LRR1: variants seen among roughly 807,000 people sequenced by gnomAD.
LRR1 encodes the protein leucine rich repeat protein 1, also known as leucine-rich repeat protein 1.
LRR1 carries 29 observed loss-of-function variants against 31.6 expected under a neutral mutation model. The ratio of observed to expected loss-of-function variants is 0.92; its 90% CI spans 0.68 to 1.25. The LOEUF (loss-of-function observed/expected upper bound fraction) is 1.25. LRR1 is among the 50% of genes most tolerant of loss of function. The pLI, the probability that LRR1 is intolerant of heterozygous loss-of-function variation, is 0.00. For synonymous variants in LRR1, 179 were observed against 181.4 expected (o/e 0.99, Z 0.10); for missense variants, 485 against 487.2 (o/e 1.00, Z 0.04).
intron 3 of LRR1, 112 bp downstream of exon 3, chr14:49,608,233 C>A: frequency 8.7e-7 from 1 of 1,146,350 alleles, no homozygotes; most frequent in Non-Finnish European, 1.2e-6. Flanking sequence ...ACAGTCTGAC[C>A]CTTTGCTATA....
At chr14:49,611,473 C>T (rs1566497515) in intron 3 of LRR1, among the ~76,000 whole-genome samples, 1 of 152,056 alleles carries the variant, frequency 6.6e-6, no homozygotes, top group African/African-American at 2.4e-5. Context: ...GAGACTCCGT[C>T]TCAATCAGTC....
chr14:49,606,995 A>G (rs1956645557), intron 2 of LRR1, among the ~76,000 whole-genome samples: 1 of 150,012 alleles, frequency 6.7e-6, no homozygotes, highest in African/African-American at 2.5e-5. Context: ...ATCATTTCCT[A>G]TCTTATTTTA....
chr14:49,614,317 ATTTGTG>A lies in LRR1; in HGVS notation c.1073_1078del (p.Val358_Cys359del). 6.2e-7 allele frequency: 1 copy of A among 1,613,858 alleles called. No homozygotes were observed. Among genetic ancestry groups the A allele is most frequent in the Non-Finnish European group, 8.5e-7 (1 of 1,179,960 alleles). ...CTGCCAAGATTTGGATACCGCAAAA[ATTTGTG>A]TTTGTGGAAGATTCTGTCTGAACTC... On this transcript the variant is annotated inframe_deletion, in exon 4 of 4. Transcript: ENST00000298288.
At position 49,610,623 on chromosome 14, in the gene LRR1, C is replaced by T. The variant is rs140219193; in HGVS notation, c.1004+2502C>T. ...TCTTGCCCGGGCTGGAGTGGAATGG[C>T]GTGATCTCAGCTCACTGCAACCTCT... On this transcript the variant is annotated intron_variant, in intron 3 of 3. Transcript: ENST00000298288. Among the ~76,000 whole-genome samples the T allele has an allele frequency of 9.7e-3, 1,478 of 151,708 alleles. 21 individuals are homozygous for T. The highest frequency in any genetic ancestry group is 0.034 in the African/African-American group (1,407 of 41,332).
intron 3 of LRR1, among the ~76,000 whole-genome samples, chr14:49,608,348 AAAGGT>A (rs1304347882): frequency 7.0e-6 from 1 of 142,898 alleles, no homozygotes; most frequent in East Asian, 2.2e-4. Flanking sequence ...GTCATCCCAG[AAAGGT>A]CTTACCTGTC....
At position 49,608,037 on chromosome 14, in the gene LRR1, AAC is replaced by A; in HGVS notation, c.922_923del (p.Gln308ThrfsTer26). The A allele has an allele frequency of 9.3e-6, 15 of 1,613,226 alleles. No individual in the cohort carries two copies. Among genetic ancestry groups the A allele is most frequent in the Non-Finnish European group, 1.3e-5 (15 of 1,179,716 alleles). ...TTGGATCTTTTTGGAAATACTTTTG[AAC>A]AACCAAAAGTCCTTCCAGTAATAAA... On this transcript the variant is annotated frameshift_variant, in exon 3 of 4. Coordinates refer to ENST00000298288, the MANE Select transcript of LRR1 (RefSeq NM_152329.4). LOFTEE classifies it high-confidence loss of function.
intron 1 of LRR1, chr14:49,600,050 G>C (rs999557578): frequency 1.2e-6 from 2 of 1,606,906 alleles, no homozygotes; most frequent in Non-Finnish European, 1.7e-6. Flanking sequence ...GCGACGGGGC[G>C]GTGGGCAAGA....
At chr14:49,609,731 A>C (rs1431747502) in intron 3 of LRR1, among the ~76,000 whole-genome samples, 1 of 148,402 alleles carries the variant, frequency 6.7e-6, no homozygotes, top group African/African-American at 2.5e-5. Context: ...TTTGAGATGG[A>C]GTCTTGTTCT....
At chr14:49,601,489 GATA>G (rs1168622139) in intron 1 of LRR1, 1 of 610,940 alleles carries the variant, frequency 1.6e-6, no homozygotes, top group Non-Finnish European at 2.7e-6. Context: ...TTATATAGAT[GATA>G]ATCATTAAAT....
At chr14:49,613,598 G>T in intron 3 of LRR1, among the ~76,000 whole-genome samples, 1 of 151,846 alleles carries the variant, frequency 6.6e-6, no homozygotes, top group Non-Finnish European at 1.5e-5. Context: ...CATGACGTCA[G>T]GAGTTCGAGA....
At chr14:49,602,592 C>A in intron 2 of LRR1, 124 bp downstream of exon 2, 2 of 709,982 alleles carry the variant, frequency 2.8e-6, no homozygotes, top group Non-Finnish European at 4.7e-6. Flanking sequence ...CTGCATCAAA[C>A]ACCTAGGCTC....
chr14:49,608,687 C>T (rs1170120070), intron 3 of LRR1, among the ~76,000 whole-genome samples: 1 of 151,630 alleles, frequency 6.6e-6, no homozygotes, highest in Non-Finnish European at 1.5e-5. Flanking sequence ...GCAGGATCTG[C>T]ATTACCTAGG....
rs573364806 is a variant in LRR1 at position 49,600,318 on chromosome 14, G to A, written c.183+1115G>A. 2.9e-5 allele frequency: 44 copies of A among 1,515,252 alleles called. 1 individual carries two copies. In the African/African-American group the frequency reaches 4.3e-4, roughly 15 times the overall value. 93.9% of individuals were successfully genotyped at this position (1,515,252 alleles called of 1,614,324 possible). A position where few individuals can be genotyped will look rare whatever the true frequency, so the allele number is the denominator to read the frequency against. On this transcript the variant is annotated intron_variant, in intron 1 of 3. Transcript: ENST00000298288. ...GGAGGAGTGGGTACCGGAACTTAAG[G>A]AATACGCACCAAATGTACCCTTTTT...
At chr14:49,611,030 CAT>C (rs2139551926) in intron 3 of LRR1, among the ~76,000 whole-genome samples, 1 of 152,306 alleles carries the variant, frequency 6.6e-6, no homozygotes, top group Non-Finnish European at 1.5e-5. Context: ...AAACTGTACA[CAT>C]GAGTACACAG....
intron 3 of LRR1, among the ~76,000 whole-genome samples, chr14:49,610,179 TCTC>T (rs1347648690): frequency 5.9e-5 from 9 of 152,128 alleles, no homozygotes; most frequent in Admixed American, 5.2e-4. Context: ...TTGGTTCTCT[TCTC>T]CTTGTCTGAA....
At chr14:49,612,881 T>G (rs905482635) in intron 3 of LRR1, among the ~76,000 whole-genome samples, 1 of 152,058 alleles carries the variant, frequency 6.6e-6, no homozygotes, top group East Asian at 1.9e-4. Context: ...AGACTGTGTT[T>G]TAGTGTCTTG....
intron 1 of LRR1, chr14:49,601,062 A>T: frequency 1.2e-6 from 2 of 1,611,486 alleles, no homozygotes; most frequent in Non-Finnish European, 8.5e-7. Flanking sequence ...AGAGTGGTGA[A>T]ATAACAAGGC....
intron 3 of LRR1, among the ~76,000 whole-genome samples, chr14:49,609,465 C>CAT (rs1882430839): frequency 2.6e-5 from 4 of 151,410 alleles, no homozygotes; most frequent in African/African-American, 2.4e-5. Flanking sequence ...AGTGCAGTGG[C>CAT]GCCATCTCGG....
At chr14:49,608,265 T>C in intron 3 of LRR1, 144 bp downstream of exon 3, 1 of 868,948 alleles carries the variant, frequency 1.2e-6, no homozygotes, top group Non-Finnish European at 1.6e-6. Context: ...GTTCCTTACC[T>C]CTGCTTAGAA....
Sources: gnomAD v4.1 joint callset for allele counts (sites outside exome capture counted in the v4.1 genomes callset) on GRCh38, gnomAD v4.1.1 for gene constraint, MANE v1.5 for transcripts, NCBI Gene and HGNC (gene_info 2026-07-23, HGNC 2026-07-21) for gene names.